The following BTBD9 variants were observed in gnomAD, a reference collection of about 807,000 sequenced individuals.
BTBD9 encodes BTB/POZ domain-containing protein 9.
In BTBD9, 49 loss-of-function variants were observed where a neutral mutation model predicts 64.3. The ratio of observed to expected loss-of-function variants is 0.76; its 90% confidence interval spans 0.61 to 0.97. The LOEUF (loss-of-function observed/expected upper bound fraction) is 0.97, where lower values mean the gene tolerates loss of function less well. Ranked by LOEUF, BTBD9 falls within the 50% of genes least tolerant of loss-of-function variation. The pLI, the probability that BTBD9 is intolerant of heterozygous loss-of-function variation, is 0.00. For missense variants in BTBD9, 598 were observed against 762.1 expected, an observed-to-expected ratio of 0.78 and a Z score of 2.53; for synonymous variants, 260 against 274.7, an observed-to-expected ratio of 0.95 and a Z score of 0.53.
chr6:38,268,278 C>T (rs373009776), intron 8 of BTBD9, among the ~76,000 whole-genome samples: 15 of 152,294 alleles, frequency 9.8e-5, no homozygotes, highest in East Asian at 1.9e-4. Context: ...GGTGCCCACA[C>T]GCACAGCCTA....
At chr6:38,303,951 G>GTA (rs35466294) in intron 7 of BTBD9, among the ~76,000 whole-genome samples, 182 of 131,356 alleles carry the variant, frequency 1.4e-3, no homozygotes, top group Middle Eastern at 4.0e-3. Flanking sequence ...GTGTGTGTGT[G>GTA]TATATATATA....
At chr6:38,605,518 G>A (rs1287031339) in intron 1 of BTBD9, among the ~76,000 whole-genome samples, 3 of 152,148 alleles carry the variant, frequency 2.0e-5, no homozygotes, top group African/African-American at 7.2e-5. Context: ...GAAGTATTAA[G>A]TTAACATGTG....
chr6:38,617,586 G>C (rs1777834965), intron 1 of BTBD9, among the ~76,000 whole-genome samples: 1 of 152,184 alleles, frequency 6.6e-6, no homozygotes, highest in African/African-American at 2.4e-5. Context: ...GGAATTTTAG[G>C]ATGCCTCCTC....
At chr6:38,383,877 G>C (rs1381043330) in intron 6 of BTBD9, among the ~76,000 whole-genome samples, 1 of 152,130 alleles carries the variant, frequency 6.6e-6, no homozygotes, top group Non-Finnish European at 1.5e-5. Context: ...TGGTATTTAG[G>C]AACTGGGGAG....
chr6:38,398,336 C>G (rs1766776253), intron 6 of BTBD9, among the ~76,000 whole-genome samples: 1 of 152,150 alleles, frequency 6.6e-6, no homozygotes, highest in Admixed American at 6.5e-5. Flanking sequence ...GTCTCTCTTT[C>G]TTCTCTGTCC....
At chr6:38,193,971 T>C (rs1762187699) in intron 9 of BTBD9, 1 of 859,300 alleles carries the variant, frequency 1.2e-6, no homozygotes, top group African/African-American at 1.8e-5. Flanking sequence ...ACCAGTGTTC[T>C]GGAAACAAAG....
At chr6:38,498,503 T>C (rs1582530652) in intron 6 of BTBD9, among the ~76,000 whole-genome samples, 1 of 148,262 alleles carries the variant, frequency 6.7e-6, no homozygotes, top group South Asian at 2.1e-4. Context: ...CAGAAAAGGA[T>C]GTAAGAGGAA....
At chr6:38,465,412 T>C (rs1356712741) in intron 6 of BTBD9, among the ~76,000 whole-genome samples, 8 of 138,894 alleles carry the variant, frequency 5.8e-5, no homozygotes, top group Admixed American at 3.9e-4. Context: ...GGTCAGGAAA[T>C]CGAGACCATC....
intron 7 of BTBD9, among the ~76,000 whole-genome samples, chr6:38,334,676 A>C (rs1266905902): frequency 6.6e-6 from 1 of 152,024 alleles, no homozygotes; most frequent in Non-Finnish European, 1.5e-5. Flanking sequence ...AAACAAAACA[A>C]AACAAAAACA....
At chr6:38,180,801 G>A (rs1459829178) in intron 10 of BTBD9, among the ~76,000 whole-genome samples, 4 of 152,188 alleles carry the variant, frequency 2.6e-5, no homozygotes, top group Non-Finnish European at 4.4e-5. Flanking sequence ...TCGCTGAACC[G>A]TCTTCAATGG....
At chr6:38,186,269 G>A in intron 10 of BTBD9, among the ~76,000 whole-genome samples, 1 of 152,140 alleles carries the variant, frequency 6.6e-6, no homozygotes, top group South Asian at 2.1e-4. Flanking sequence ...ATTAAATCAT[G>A]TAATAAATAT....
Position 38,240,028 on chromosome 6 carries a change from G to C in BTBD9, c.1562+16381C>G, listed in dbSNP as rs1463430141. ...GTTGGCAATACAAAAGGTAACAAAGGAGTGGACTGGCTGAGCGTGCAAGGC... is the reference window on the plus strand; with the variant it reads ...GTTGGCAATACAAAAGGTAACAAAGCAGTGGACTGGCTGAGCGTGCAAGGC... On this transcript the variant is annotated intron_variant, in intron 9 of 10. Coordinates refer to ENST00000481247, the MANE Select transcript of BTBD9 (RefSeq NM_001099272.2). Among the ~76,000 whole-genome samples the C allele has an allele frequency of 1.3e-5, 2 of 152,158 alleles. 1 individual carries two copies. Among genetic ancestry groups the C allele is most frequent in the Middle Eastern group, 6.3e-3 (2 of 316 alleles).
intron 6 of BTBD9, among the ~76,000 whole-genome samples, chr6:38,432,633 A>T (rs1768497070): frequency 6.6e-6 from 1 of 151,896 alleles, no homozygotes; most frequent in South Asian, 2.1e-4. Flanking sequence ...TGGTCTTCTG[A>T]GATGTTTTTC....
In BTBD9 at chr6:38,600,595, G is replaced by A. The variant is rs951571824; in HGVS notation, c.-27-2474C>T. Among the ~76,000 whole-genome samples, 3 of 151,808 alleles carry A rather than the reference G, an allele frequency of 2.0e-5. No homozygotes were observed. In the East Asian group the frequency reaches 5.8e-4, roughly 29 times the overall value. ...GATCGTGCATGATTCTAAACAAAAC[G>A]CTCTTCCTGGCTGAAAAAAAATGCA... On this transcript the variant is annotated intron_variant, in intron 1 of 10. Transcript: ENST00000481247.
intron 6 of BTBD9, among the ~76,000 whole-genome samples, chr6:38,378,185 C>G (rs548143673): frequency 6.6e-6 from 1 of 152,058 alleles, no homozygotes; most frequent in South Asian, 2.1e-4. Flanking sequence ...ATATAGCTAA[C>G]TTATGTGCAG....
In BTBD9 at chr6:38,290,035, T is replaced by A. The variant is rs146239858; in HGVS notation, c.1265-1574A>T. ...TGGAAAAGAAAAAAGTAATTTTACA[T>A]ATATCTTCTATGCAACTCATTTATT... On this transcript the variant is annotated intron_variant, in intron 7 of 10. Transcript: ENST00000481247. 2.0e-3 allele frequency among the ~76,000 whole-genome samples: 311 copies of A among 152,016 alleles called. 2 individuals are homozygous for A. The highest frequency in any genetic ancestry group is 7.1e-3 in the African/African-American group (293 of 41,444).
Position 38,173,164 on chromosome 6 carries a change from G to A in BTBD9, c.*1821C>T, listed in dbSNP as rs1766863588. The A allele has an allele frequency of 6.6e-6, 1 of 152,370 alleles. No homozygotes were observed. Among genetic ancestry groups the A allele is most frequent in the Admixed American group, 6.5e-5 (1 of 15,292 alleles). 9.4% of individuals were successfully genotyped at this position (152,370 alleles called of 1,614,324 possible). A position where few individuals can be genotyped will look rare whatever the true frequency, so the allele number is the denominator to read the frequency against. On this transcript the variant is annotated 3_prime_UTR_variant, in exon 11 of 11. Transcript: ENST00000481247. ...CACACTGGGGAAGGAAGTGCTGTGT[G>A]TGCAGGAGCTCTCTGGCTAATTGGC... is the stretch of plus-strand genomic sequence containing the variant.
In BTBD9 at chr6:38,277,667, G is replaced by T. The variant is rs137960601; in HGVS notation, c.1454+10605C>A. Among the ~76,000 whole-genome samples, 223 of 152,232 alleles carry T rather than the reference G, an allele frequency of 1.5e-3. 3 individuals carry two copies. The East Asian group carries it at 0.031, about 21-fold the overall frequency. ...AACATTTTTGAAGCTGAGAATAAGA[G>T]AAAATATTATTATCATAGTACTGTT... On this transcript the variant is annotated intron_variant, in intron 8 of 10. Transcript: ENST00000481247.
At chr6:38,193,210 G>C (rs78780335) in intron 9 of BTBD9, among the ~76,000 whole-genome samples, 3 of 152,264 alleles carry the variant, frequency 2.0e-5, no homozygotes, top group South Asian at 4.1e-4. Context: ...GCATCTGAGC[G>C]GGAGCAGCTA....
Sources: allele counts gnomAD v4.1 joint callset (sites outside exome capture counted in the v4.1 genomes callset), GRCh38; gene constraint gnomAD v4.1.1; transcripts MANE v1.5; gene names NCBI Gene and HGNC (gene_info 2026-07-23, HGNC 2026-07-21).